SUCLG2: variants seen among roughly 807,000 people sequenced by gnomAD.
The protein encoded by SUCLG2 is succinate-CoA ligase GDP-forming subunit beta, also known as succinate--CoA ligase [GDP-forming] subunit beta, mitochondrial.
SUCLG2 carries 42 observed loss-of-function variants against 47.9 expected under a neutral mutation model. The ratio of observed to expected loss-of-function variants is 0.88; its 90% CI spans 0.69 to 1.14. SUCLG2 has a LOEUF of 1.14. Among genes scored for constraint, SUCLG2 ranks in the 50% most tolerant of loss-of-function variants. The probability of loss-of-function intolerance (pLI) is 0.00; values close to 1 mark genes in which losing one functional copy is unlikely to be tolerated. For synonymous variants in SUCLG2, 195 were observed against 197.3 expected (o/e 0.99, Z 0.10); for missense variants, 571 against 525.9 (o/e 1.09, Z -0.84).
intron 2 of SUCLG2, among the ~76,000 whole-genome samples, chr3:67,594,813 T>A (rs2107284938): frequency 6.6e-6 from 1 of 152,344 alleles, no homozygotes; most frequent in Non-Finnish European, 1.5e-5. Flanking sequence ...TATAGATGAC[T>A]TTTAGCAATC....
downstream of SUCLG2, among the ~76,000 whole-genome samples, chr3:67,370,991 C>G (rs909704460): frequency 6.6e-6 from 1 of 152,144 alleles, no homozygotes; most frequent in African/African-American, 2.4e-5. Flanking sequence ...ATTTAAAGCA[C>G]ATGAATGTTC....
intron 9 of SUCLG2, among the ~76,000 whole-genome samples, chr3:67,411,247 C>G (rs929464654): frequency 2.0e-5 from 3 of 152,004 alleles, no homozygotes; most frequent in South Asian, 2.1e-4. Flanking sequence ...AATAGCTAAG[C>G]AGAGAGAGCC....
intron 9 of SUCLG2, among the ~76,000 whole-genome samples, chr3:67,486,933 A>T (rs1315127301): frequency 1.3e-5 from 2 of 152,226 alleles, no homozygotes; most frequent in Non-Finnish European, 2.9e-5. Flanking sequence ...GTGCTGTGGA[A>T]TTACAAATGA....
intron 6 of SUCLG2, among the ~76,000 whole-genome samples, chr3:67,516,787 A>G (rs1440758389): frequency 2.0e-5 from 3 of 152,194 alleles, no homozygotes; most frequent in African/African-American, 7.2e-5. Context: ...AGTGATATGG[A>G]GGAGGCAGAC....
chr3:67,624,180 T>C (rs1294806393), intron 1 of SUCLG2, among the ~76,000 whole-genome samples: 2 of 152,246 alleles, frequency 1.3e-5, no homozygotes, highest in Admixed American at 6.5e-5. Context: ...ATCACTTCTT[T>C]ATAGCGGCAG....
intron 2 of SUCLG2, among the ~76,000 whole-genome samples, chr3:67,588,761 T>C (rs1235263824): frequency 1.3e-5 from 2 of 152,200 alleles, no homozygotes; most frequent in African/African-American, 4.8e-5. Context: ...GTCTTCAAAA[T>C]GTCTACAAAA....
chr3:67,462,288 T>A (rs1237237870), intron 9 of SUCLG2, among the ~76,000 whole-genome samples: 7 of 152,162 alleles, frequency 4.6e-5, no homozygotes, highest in Non-Finnish European at 8.8e-5. Context: ...TTATGGGTCA[T>A]TAGACCCTCA....
At chr3:67,469,273 T>G (rs901934908) in intron 9 of SUCLG2, among the ~76,000 whole-genome samples, 2 of 152,106 alleles carry the variant, frequency 1.3e-5, no homozygotes, top group Admixed American at 1.3e-4. Flanking sequence ...GAAGAAAGAT[T>G]TGTGGCCACT....
chr3:67,392,531 T>C (rs17046411), intron 10 of SUCLG2, among the ~76,000 whole-genome samples: 11,876 of 152,262 alleles, frequency 0.078, 487 homozygotes, highest in Middle Eastern at 0.16. Flanking sequence ...ATTTGGCCCT[T>C]TGGGTTTTCA....
intron 9 of SUCLG2, among the ~76,000 whole-genome samples, chr3:67,437,557 T>A (rs1703653876): frequency 6.6e-6 from 1 of 152,164 alleles, no homozygotes; most frequent in South Asian, 2.1e-4. Context: ...TTATTACAGA[T>A]GTTCTCATCC....
chr3:67,375,876 G>A lies in SUCLG2; in HGVS notation c.1184-17C>T. On this transcript the variant is annotated splice_polypyrimidine_tract_variant and intron_variant, in intron 10 of 10. Transcript: ENST00000307227. ...CGTTGGTTCCTAGAAGGGGGACAGG[G>A]AACAATCACTGAATGAAACTAGAGG... 6.2e-7 allele frequency: 1 copy of A among 1,610,288 alleles called. No homozygotes were observed. The highest frequency in any genetic ancestry group is 8.5e-7 in the Non-Finnish European group (1 of 1,178,216).
chr3:67,426,508 T>C (rs1422210323), intron 9 of SUCLG2, among the ~76,000 whole-genome samples: 1 of 152,190 alleles, frequency 6.6e-6, no homozygotes, highest in Non-Finnish European at 1.5e-5. Flanking sequence ...TAAAAAAATA[T>C]ATATTACAGT....
At chr3:67,620,345 G>T (rs1206163585) in intron 1 of SUCLG2, among the ~76,000 whole-genome samples, 1 of 152,026 alleles carries the variant, frequency 6.6e-6, no homozygotes, top group African/African-American at 2.4e-5. Context: ...AGCACTTTCG[G>T]AAGCCAAGGC....
chr3:67,560,078 G>A lies in SUCLG2; in HGVS notation c.227-30892C>T, dbSNP rs1220722526. ...AAATATATCTATATAATGGCTACAA[G>A]GAAGAAAAACTCTAAGTCCATGTTA... On this transcript the variant is annotated intron_variant, in intron 2 of 10. Coordinates refer to ENST00000307227, the MANE Select transcript of SUCLG2 (RefSeq NM_003848.4). Among the ~76,000 whole-genome samples, 7 of 152,076 alleles carry A rather than the reference G, an allele frequency of 4.6e-5. 1 individual carries two copies. The highest frequency in any genetic ancestry group is 1.5e-4 in the African/African-American group (6 of 41,378).
chr3:67,391,035 C>T (rs1323488732), intron 10 of SUCLG2, among the ~76,000 whole-genome samples: 2 of 152,164 alleles, frequency 1.3e-5, no homozygotes, highest in African/African-American at 4.8e-5. Flanking sequence ...AGACTGGATA[C>T]CGTTTCTCTT....
At chr3:67,471,692 A>G (rs1364661962) in intron 9 of SUCLG2, among the ~76,000 whole-genome samples, 1 of 149,854 alleles carries the variant, frequency 6.7e-6, no homozygotes, top group Non-Finnish European at 1.5e-5. Context: ...GGCCAGTTTT[A>G]GGGGAGAACC....
At chr3:67,383,776 C>T (rs58855980) in intron 10 of SUCLG2, among the ~76,000 whole-genome samples, 1 of 152,112 alleles carries the variant, frequency 6.6e-6, no homozygotes, top group Non-Finnish European at 1.5e-5. Flanking sequence ...AACATAGATA[C>T]TAAACCAAAG....
intron 9 of SUCLG2, among the ~76,000 whole-genome samples, chr3:67,403,011 T>A (rs972338352): frequency 6.6e-6 from 1 of 152,178 alleles, no homozygotes; most frequent in African/African-American, 2.4e-5. Flanking sequence ...CTGGAGTAAG[T>A]GTCAAACAGG....
chr3:67,528,799 G>A (rs1370805410), intron 3 of SUCLG2, among the ~76,000 whole-genome samples: 1 of 152,148 alleles, frequency 6.6e-6, no homozygotes, highest in African/African-American at 2.4e-5. Flanking sequence ...TATGGAAGTA[G>A]CATTTCAGTT....
Sources: allele counts gnomAD v4.1 joint callset (sites outside exome capture counted in the v4.1 genomes callset), GRCh38; gene constraint gnomAD v4.1.1; transcripts MANE v1.5; gene names NCBI Gene and HGNC (gene_info 2026-07-23, HGNC 2026-07-21).